Variants in C20orf204 observed in about 807,000 individuals in gnomAD.
The protein encoded by C20orf204 is uncharacterized protein C20orf204.
Under a neutral mutation model 3.6 loss-of-function variants are expected in C20orf204, and 6 were observed. That is an observed-to-expected ratio of 1.68 (90% confidence interval 0.92 to 3.31). The LOEUF is 3.31. Ranked by LOEUF, C20orf204 falls within the 30% of genes most tolerant of loss-of-function variation. The pLI is 0.00. For missense variants in C20orf204, 167 were observed against 89.7 expected (o/e 1.86, Z -3.48); for synonymous variants, 80 against 41.4 (o/e 1.93, Z -3.58).
At position 64,038,150 on chromosome 20, in the gene C20orf204, C is replaced by T. The variant is rs975865774; in HGVS notation, c.227C>T (p.Pro76Leu). 1.7e-6 allele frequency: 1 copy of T among 577,260 alleles called. No homozygotes were observed. Among genetic ancestry groups the T allele is most frequent in the Non-Finnish European group, 3.1e-6 (1 of 318,200 alleles). The allele number at this position is 577,260 out of a possible 1,614,324, so 35.8% of individuals were successfully genotyped here. ...FHFIQKNLTR[P>L]GSSGRRGRPR... Reference sequence around the variant, plus strand: ...TTCATACAGAAAAACCTGACTAGACCCGGGAGCTCGGGACGGCGGGGACGG... The same window carrying T: ...TTCATACAGAAAAACCTGACTAGACTCGGGAGCTCGGGACGGCGGGGACGG... The change falls in exon 2 of 4, where the codon CCC becomes CTC. Residue 76 changes from proline to leucine, a missense_variant. Coordinates refer to ENST00000636176, the MANE Select transcript of C20orf204 (RefSeq NM_001387010.1).
chr20:64,037,036 T>TG, intron 1 of C20orf204: 1 of 152,410 alleles, frequency 6.6e-6, no homozygotes. Context: ...GGGGAAGGGT[T>TG]GGGGCTGGCC....
intron 1 of C20orf204, chr20:64,037,697 G>T (rs560315769): frequency 2.5e-6 from 1 of 394,852 alleles, no homozygotes; most frequent in Non-Finnish European, 4.5e-6. Context: ...TTTGCAGGGA[G>T]CATAGAACTG....
chr20:64,034,033 C>T (rs1369148675), upstream of C20orf204, among the ~76,000 whole-genome samples: 1 of 152,104 alleles, frequency 6.6e-6, no homozygotes, highest in East Asian at 1.9e-4. Context: ...TTGTGTAGGC[C>T]GGGGCTAGAG....
chr20:64,034,632 C>T (rs2145406951), upstream of C20orf204: 1 of 152,388 alleles, frequency 6.6e-6, no homozygotes. Context: ...TTCCTTTGAT[C>T]CCTCATGGAG....
intron 1 of C20orf204, chr20:64,037,349 C>T (rs902136136): frequency 3.9e-5 from 6 of 152,264 alleles, no homozygotes; most frequent in Non-Finnish European, 5.9e-5. Context: ...ACAAGGAGTC[C>T]CCAGTTCCCA....
upstream of C20orf204, chr20:64,034,685 G>T (rs116569600): frequency 6.6e-6 from 1 of 152,504 alleles, no homozygotes; most frequent in African/African-American, 2.4e-5. Flanking sequence ...TTCTGAAGAT[G>T]AAGAGAGTCC....
chr20:64,038,583 G>A (rs2059347789), intron 3 of C20orf204, 39 bp from the exon 4 acceptor site: 3 of 518,274 alleles, frequency 5.8e-6, no homozygotes. Flanking sequence ...GCCGGGCGCG[G>A]GGGCCGTGCG....
At chr20:64,038,273 G>GCC in intron 2 of C20orf204, 23 bp from the exon 3 acceptor site, 1 of 484,928 alleles carries the variant, frequency 2.1e-6, no homozygotes. Context: ...CCCCCACCCC[G>GCC]CCTTCCTCCC....
chr20:64,035,481 A>G (rs2059334696), upstream of C20orf204: 2 of 152,282 alleles, frequency 1.3e-5, no homozygotes, highest in South Asian at 2.1e-4. Flanking sequence ...TTCAGCCTGC[A>G]AAGATGAGTT....
chr20:64,038,006 G>A lies in C20orf204; in HGVS notation c.83G>A (p.Cys28Tyr). ...TAPSRAYSPA[C>Y]SVPDVLRHYR... ...CCAAGCCGCGCCTATTCCCCGGCCT[G>A]CAGCGTCCCCGACGTGCTCCGCCAC... is the stretch of plus-strand genomic sequence containing the variant. Residue 28 changes from cysteine (C) to tyrosine (Y), a missense_variant, in exon 2 of 4, where the codon TGC (cysteine) becomes TAC (tyrosine). Cys to Tyr is a radical substitution (Grantham distance 194). Transcript: ENST00000636176. The A allele has an allele frequency of 1.9e-6, 1 of 518,404 alleles. No homozygotes were observed. 32.1% of individuals were successfully genotyped at this position (518,404 alleles called of 1,614,324 possible). A position where few individuals can be genotyped will look rare whatever the true frequency, so the allele number is the denominator to read the frequency against.
chr20:64,038,661 G>A lies in C20orf204; in HGVS notation c.472G>A (p.Gly158Ser). 1.6e-6 allele frequency: 1 copy of A among 631,744 alleles called. No individual in the cohort carries two copies. Among genetic ancestry groups the A allele is most frequent in the Non-Finnish European group, 2.8e-6 (1 of 354,686 alleles). 39.1% of individuals were successfully genotyped at this position (631,744 alleles called of 1,614,324 possible). A position where few individuals can be genotyped will look rare whatever the true frequency, so the allele number is the denominator to read the frequency against. ...CAAGATGCGCCCTGCCCGGCGTCGC[G>A]GCGGCCGAAGGCAGCTCCTGCTGCG... ...RPKMRPARRR[G>S]GRRQLLLRAL... The change falls in exon 4 of 4, where the codon GGC (glycine) becomes AGC (serine). Residue 158 changes from glycine (G) to serine (S), a missense_variant. By Grantham distance (56) the Gly-to-Ser change is moderately conservative. Transcript: ENST00000636176.
chr20:64,037,850 CAA>C (rs1000853749), intron 1 of C20orf204, 75 bp from the exon 2 acceptor site: 4 of 404,470 alleles, frequency 9.9e-6, no homozygotes, highest in African/African-American at 8.2e-5. Flanking sequence ...TCTACGGAAA[CAA>C]AGTGCAGGTG....
At chr20:64,038,245 T>C in intron 2 of C20orf204, 43 bp downstream of exon 2, 1 of 741,096 alleles carries the variant, frequency 1.3e-6, no homozygotes, top group Non-Finnish European at 2.5e-6. Context: ...GGCCTGCTCC[T>C]CTCTCAGTTT....
chr20:64,037,455 C>T (rs2059341827), intron 1 of C20orf204: 2 of 156,646 alleles, frequency 1.3e-5, no homozygotes, highest in African/African-American at 2.4e-5. Flanking sequence ...GGACAACTTC[C>T]TACTGTACCC....
intron 3 of C20orf204, 34 bp from the exon 4 acceptor site, chr20:64,038,588 C>T (rs1569229825): frequency 1.9e-6 from 1 of 519,112 alleles, no homozygotes; most frequent in Admixed American, 4.3e-5. Flanking sequence ...GCGCGGGGGC[C>T]GTGCGCATTC....
chr20:64,037,695 G>C, intron 1 of C20orf204: 1 of 394,004 alleles, frequency 2.5e-6, no homozygotes. Context: ...TCTTTGCAGG[G>C]AGCATAGAAC....
chr20:64,037,611 C>A, intron 1 of C20orf204: 1 of 264,248 alleles, frequency 3.8e-6, no homozygotes, highest in Admixed American at 5.4e-5. Context: ...TGGGCCTGCC[C>A]CCTCTATCTC....
At chr20:64,038,262 AC>A (rs777161303) in intron 2 of C20orf204, 33 bp from the exon 3 acceptor site, 3 of 456,504 alleles carry the variant, frequency 6.6e-6, no homozygotes, top group South Asian at 1.6e-5. Context: ...GTTTCCCCCC[AC>A]CCCCACCCCG....
rs985226752 is a variant in C20orf204, at chr20:64,038,796, A to C, written c.*37A>C. 1.4e-6 allele frequency: 1 copy of C among 696,712 alleles called. No individual in the cohort carries two copies. Among genetic ancestry groups the C allele is most frequent in the Admixed American group, 2.1e-5 (1 of 48,410 alleles). The allele number at this position is 696,712 out of a possible 1,614,324, so 43.2% of individuals were successfully genotyped here. ...CTGGCCCTGCGCGGGGAGGAGAACC[A>C]GCGGGGCCGCGGCAGAGCCTGGAGA... On this transcript the variant is annotated 3_prime_UTR_variant, in exon 4 of 4. Transcript: ENST00000636176.
Sources: gnomAD v4.1 joint callset for allele counts (sites outside exome capture counted in the v4.1 genomes callset) on GRCh38, gnomAD v4.1.1 for gene constraint, MANE v1.5 for transcripts, NCBI Gene and HGNC (gene_info 2026-07-23, HGNC 2026-07-21) for gene names.